Variants in SDK1 observed in about 807,000 individuals in gnomAD.
The protein encoded by SDK1 is protein sidekick-1.
In SDK1, 157 loss-of-function variants were observed where a neutral mutation model predicts 245.5. The observed-to-expected ratio is 0.64, with a 90% CI of 0.56 to 0.73. The LOEUF is 0.73. Ranked by LOEUF, SDK1 falls within the 30% of genes least tolerant of loss-of-function variation. The pLI, the probability that SDK1 is intolerant of heterozygous loss-of-function variation, is 0.00. For missense variants in SDK1, 3,583 were observed against 3,002.3 expected (o/e 1.19, Z -4.52); for synonymous variants, 1,647 against 1,278.5 (o/e 1.29, Z -6.15).
intron 1 of SDK1, among the ~76,000 whole-genome samples, chr7:3,565,903 A>C (rs1291518621): frequency 6.6e-6 from 1 of 152,234 alleles, no homozygotes; most frequent in Non-Finnish European, 1.5e-5. Context: ...TGTGGAACCC[A>C]CAGATGCAGA....
At chr7:3,606,890 GA>G (rs1390451020) in intron 1 of SDK1, among the ~76,000 whole-genome samples, 2 of 151,632 alleles carry the variant, frequency 1.3e-5, no homozygotes, top group Non-Finnish European at 2.9e-5. Context: ...CACAACTTAT[GA>G]AAAAAGTTAT....
intron 1 of SDK1, among the ~76,000 whole-genome samples, chr7:3,389,494 C>G (rs1196471896): frequency 2.0e-5 from 3 of 152,188 alleles, no homozygotes. Flanking sequence ...ATCACCTTCA[C>G]TGTCATTCCT....
At chr7:3,946,450 G>A (rs1247764263) in intron 5 of SDK1, among the ~76,000 whole-genome samples, 1 of 152,044 alleles carries the variant, frequency 6.6e-6, no homozygotes, top group Non-Finnish European at 1.5e-5. Context: ...GAGTAGCTGG[G>A]ACTACATGTG....
chr7:3,906,104 T>C (rs1778907145), intron 5 of SDK1, among the ~76,000 whole-genome samples: 1 of 152,236 alleles, frequency 6.6e-6, no homozygotes, highest in South Asian at 2.1e-4. Flanking sequence ...CAATCTCTTT[T>C]TCATTCAGTT....
intron 5 of SDK1, among the ~76,000 whole-genome samples, chr7:3,847,615 T>C (rs1156548866): frequency 6.6e-6 from 1 of 152,226 alleles, no homozygotes; most frequent in East Asian, 1.9e-4. Flanking sequence ...TATCTCTCAC[T>C]GGATTAATGC....
In SDK1 at chr7:3,432,272, G is replaced by A. The variant is rs779422373; in HGVS notation, c.298+130388G>A. On this transcript the variant is annotated intron_variant, in intron 1 of 44. Coordinates refer to ENST00000404826, the MANE Select transcript of SDK1 (RefSeq NM_152744.4). ...TATTTTGGCTATCGTGATGACATTA[G>A]TATCATCAAATTGGTCGTGGCATTG... 1.3e-5 allele frequency among the ~76,000 whole-genome samples: 2 copies of A among 151,732 alleles called. 1 individual carries two copies. Among genetic ancestry groups the A allele is most frequent in the South Asian group, 4.2e-4 (2 of 4,816 alleles).
At chr7:3,350,015 C>G (rs1780615981) in intron 1 of SDK1, among the ~76,000 whole-genome samples, 1 of 152,170 alleles carries the variant, frequency 6.6e-6, no homozygotes, top group South Asian at 2.1e-4. Flanking sequence ...AGTTTGGGGA[C>G]TTTGTGCCTC....
intron 3 of SDK1, among the ~76,000 whole-genome samples, 192 bp from the exon 4 acceptor site, chr7:3,641,766 C>T (rs2568527): frequency 3.3e-5 from 5 of 152,332 alleles, no homozygotes; most frequent in East Asian, 1.9e-4. Flanking sequence ...TTTGGAGGCG[C>T]GTGGCTTGCC....
chr7:3,451,598 T>C (rs1780516343), intron 1 of SDK1, among the ~76,000 whole-genome samples: 1 of 151,840 alleles, frequency 6.6e-6, no homozygotes, highest in Non-Finnish European at 1.5e-5. Flanking sequence ...TATCTTTCAC[T>C]ATGTGAGATA....
intron 4 of SDK1, among the ~76,000 whole-genome samples, chr7:3,756,778 G>A (rs1464974460): frequency 6.6e-6 from 1 of 151,992 alleles, no homozygotes; most frequent in African/African-American, 2.4e-5. Context: ...CCCTATATTT[G>A]GGTGTATCTG....
chr7:3,671,748 T>C (rs1284368786), intron 4 of SDK1, among the ~76,000 whole-genome samples: 1 of 151,904 alleles, frequency 6.6e-6, no homozygotes, highest in Non-Finnish European at 1.5e-5. Flanking sequence ...TAATGCATTT[T>C]TTGGTGAGTT....
intron 1 of SDK1, among the ~76,000 whole-genome samples, chr7:3,598,006 T>A (rs1781123031): frequency 6.6e-6 from 1 of 152,210 alleles, no homozygotes; most frequent in Admixed American, 6.5e-5. Flanking sequence ...TATGATAAAT[T>A]GTAAAGCCTT....
chr7:3,956,619 GC>G (rs1468930187), intron 7 of SDK1, among the ~76,000 whole-genome samples: 8 of 152,208 alleles, frequency 5.3e-5, no homozygotes, highest in South Asian at 2.1e-4. Context: ...TACTAAAACT[GC>G]CCAGGACATT....
intron 4 of SDK1, among the ~76,000 whole-genome samples, chr7:3,728,505 C>T (rs1308278851): frequency 2.0e-5 from 3 of 152,216 alleles, no homozygotes; most frequent in Admixed American, 6.5e-5. Flanking sequence ...GAATAAATCC[C>T]CAAAACTCTT....
intron 5 of SDK1, among the ~76,000 whole-genome samples, chr7:3,896,658 A>G (rs1196037738): frequency 6.6e-6 from 1 of 152,122 alleles, no homozygotes; most frequent in Admixed American, 6.5e-5. Flanking sequence ...TCCTTCACCC[A>G]GGAATCACTG....
intron 5 of SDK1, among the ~76,000 whole-genome samples, chr7:3,924,087 A>G (rs1448473867): frequency 6.6e-6 from 1 of 150,994 alleles, no homozygotes; most frequent in Non-Finnish European, 1.5e-5. Flanking sequence ...GGAGGCAGAA[A>G]TTCCTCTTTT....
intron 5 of SDK1, among the ~76,000 whole-genome samples, chr7:3,903,263 C>T (rs766193641): frequency 2.6e-5 from 4 of 151,800 alleles, no homozygotes; most frequent in Non-Finnish European, 5.9e-5. Flanking sequence ...CCTGCCTCAG[C>T]CTCCCGAGTA....
chr7:3,647,086 T>C (rs1414585868), intron 4 of SDK1, among the ~76,000 whole-genome samples: 1 of 152,104 alleles, frequency 6.6e-6, no homozygotes, highest in African/African-American at 2.4e-5. Context: ...TTAAAAGTGG[T>C]TAAAATAATT....
chr7:3,545,928 A>G (rs17133545), intron 1 of SDK1, among the ~76,000 whole-genome samples: 16,170 of 152,290 alleles, frequency 0.11, 1,239 homozygotes, highest in African/African-American at 0.21. Context: ...GTGTAGTGCA[A>G]TCAAGAATAC....
Sources: allele counts gnomAD v4.1 joint callset (sites outside exome capture counted in the v4.1 genomes callset), GRCh38; gene constraint gnomAD v4.1.1; transcripts MANE v1.5; gene names NCBI Gene and HGNC (gene_info 2026-07-23, HGNC 2026-07-21).